ECI1: variants seen among roughly 807,000 people sequenced by gnomAD.
ECI1 encodes enoyl-CoA delta isomerase 1, mitochondrial.
Under a neutral mutation model 34.2 loss-of-function variants are expected in ECI1, and 34 were observed. The ratio of observed to expected loss-of-function variants is 1.00; its 90% CI spans 0.76 to 1.33. The LOEUF (loss-of-function observed/expected upper bound fraction) is 1.33, where lower values mean the gene tolerates loss of function less well. Among genes scored for constraint, ECI1 ranks in the 40% most tolerant of loss-of-function variants. The pLI is 0.00. For synonymous variants in ECI1, 211 were observed against 193.0 expected, an observed-to-expected ratio of 1.09 and a Z score of -0.77; for missense variants, 456 against 422.2, an observed-to-expected ratio of 1.08 and a Z score of -0.70.
chr16:2,243,976 C>T (rs1012810539), intron 4 of ECI1, among the ~76,000 whole-genome samples: 1 of 152,198 alleles, frequency 6.6e-6, no homozygotes, highest in African/African-American at 2.4e-5. Flanking sequence ...CACCAGGCTC[C>T]GGCCCACACC....
At chr16:2,242,541 G>T in intron 6 of ECI1, 1 of 183,682 alleles carries the variant, frequency 5.4e-6, no homozygotes, top group South Asian at 1.2e-4. Context: ...CCTAACCACT[G>T]CTCTGGAACT....
At chr16:2,240,268 A>C (rs1321529315) in intron 6 of ECI1, 123 bp from the exon 7 acceptor site, 8 of 1,089,260 alleles carry the variant, frequency 7.3e-6, no homozygotes, top group African/African-American at 3.2e-5. Flanking sequence ...CTGGAGTGCA[A>C]TGGTGGGATC....
Position 2,243,240 on chromosome 16 carries a change from C to T in ECI1, c.564-16G>A. 1 of 1,612,858 alleles carries T rather than the reference C, an allele frequency of 6.2e-7. No homozygotes were observed. The highest frequency in any genetic ancestry group is 8.5e-7 in the Non-Finnish European group (1 of 1,180,004). ...GTCTTTCAACCTGGAAATGCAGACA[C>T]CCACTCACCACATGGCCCCAGGCGG... On this transcript the variant is annotated splice_polypyrimidine_tract_variant and intron_variant, in intron 5 of 6. Coordinates refer to ENST00000301729, the MANE Select transcript of ECI1 (RefSeq NM_001919.4).
chr16:2,243,344 G>T lies in ECI1; in HGVS notation c.537C>A (p.Thr179=). The T allele has an allele frequency of 1.2e-6, 2 of 1,613,748 alleles. No individual in the cohort carries two copies. The highest frequency in any genetic ancestry group is 1.7e-6 in the Non-Finnish European group (2 of 1,180,028). The change falls in exon 5 of 7, where the codon ACC becomes ACA. Residue 179 remains threonine, a synonymous_variant. Transcript: ENST00000301729. ...AGAAAGGGGCGATGATGCCCAGCTG[G>T]GTCTCATTGAGTCCTATGCAGTACC... ...NPRYCIGLNE[T]QLGIIAPFWL... is the part of the protein sequence containing the mutation.
intron 3 of ECI1, among the ~76,000 whole-genome samples, chr16:2,246,221 A>G (rs2093539987): frequency 6.6e-6 from 1 of 152,246 alleles, no homozygotes; most frequent in Admixed American, 6.5e-5. Flanking sequence ...GCCAGCACTC[A>G]GGCAACATTT....
At position 2,251,547 on chromosome 16, in the gene ECI1, A is replaced by G. The variant is rs2141515690; in HGVS notation, c.20T>C (p.Val7Ala). Residue 7 changes from valine (V) to alanine (A), a missense_variant, in exon 1 of 7, where the codon GTG (valine) becomes GCG (alanine). Physicochemically the swap from Val to Ala is moderately conservative, Grantham distance 64. Coordinates refer to ENST00000301729, the MANE Select transcript of ECI1 (RefSeq NM_001919.4). MALVAS[V>A]RVPARVLLRA... is the part of the protein sequence containing the mutation. ...GAGCAGAACGCGCGCCGGGACTCGCACAGAAGCCACCAGCGCCATCTTGAC... is the reference window on the plus strand; with the variant it reads ...GAGCAGAACGCGCGCCGGGACTCGCGCAGAAGCCACCAGCGCCATCTTGAC... The G allele has an allele frequency of 6.4e-7, 1 of 1,560,202 alleles. No homozygotes were observed. Among genetic ancestry groups the G allele is most frequent in the Non-Finnish European group, 8.7e-7 (1 of 1,153,152 alleles).
In ECI1 at chr16:2,251,348, T is replaced by C; in HGVS notation, c.134A>G (p.Gln45Arg). ...GGDGARRFGS[Q>R]RVLVEPDAGA... is the part of the protein sequence containing the mutation. ...CGCGTCCGGCTCCACCAGCACCCGCTGGCTCCCGAAGCGCCGCGCGCCGTC... is the reference window on the plus strand; with the variant it reads ...CGCGTCCGGCTCCACCAGCACCCGCCGGCTCCCGAAGCGCCGCGCGCCGTC... Residue 45 changes from glutamine to arginine, a missense_variant, in exon 2 of 7, where the codon CAG becomes CGG. Transcript: ENST00000301729. The C allele has an allele frequency of 8.0e-7, 1 of 1,250,920 alleles. No individual in the cohort carries two copies. The highest frequency in any genetic ancestry group is 1.0e-6 in the Non-Finnish European group (1 of 995,856). 77.5% of individuals were successfully genotyped at this position (1,250,920 alleles called of 1,614,324 possible).
At chr16:2,243,552 G>C (rs1454965781) in intron 4 of ECI1, 113 bp from the exon 5 acceptor site, 26 of 1,308,204 alleles carry the variant, frequency 2.0e-5, no homozygotes, top group Non-Finnish European at 2.8e-5. Context: ...GACCCCCGCA[G>C]GGTTCAACAC....
At chr16:2,246,097 C>T (rs920232199) in intron 3 of ECI1, among the ~76,000 whole-genome samples, 2 of 152,220 alleles carry the variant, frequency 1.3e-5, no homozygotes, top group African/African-American at 4.8e-5. Context: ...CCCCTCACCT[C>T]AGCCAATGCC....
In ECI1 at chr16:2,251,507, T is replaced by C; in HGVS notation, c.52+8A>G. 1.9e-6 allele frequency: 3 copies of C among 1,558,056 alleles called. No individual in the cohort carries two copies. The highest frequency in any genetic ancestry group is 2.6e-6 in the Non-Finnish European group (3 of 1,153,316). On this transcript the variant is annotated splice_region_variant and intron_variant, in intron 1 of 6. Transcript: ENST00000301729. The stretch of plus-strand genomic sequence containing the variant: ...CGGCCCGATCCCTGCCCACCCCGGG[T>C]TTCGCACCCGCGCGGAGCAGAACGC...
Position 2,239,621 on chromosome 16 carries a change from C to G in ECI1, c.*358G>C, listed in dbSNP as rs2093523045. The G allele has an allele frequency of 1.4e-5, 5 of 363,438 alleles. No individual in the cohort carries two copies. The highest frequency in any genetic ancestry group is 8.7e-5 in the South Asian group (4 of 45,844). The allele number at this position is 363,438 out of a possible 1,614,324, so 22.5% of individuals were successfully genotyped here. On this transcript the variant is annotated 3_prime_UTR_variant, in exon 7 of 7. Coordinates refer to ENST00000301729, the MANE Select transcript of ECI1 (RefSeq NM_001919.4). ...GGGCCAAGACCACCTGGCCTTACAC[C>G]TAAGAGCAGGCAGTCCAAAGGCCAG...
intron 3 of ECI1, among the ~76,000 whole-genome samples, chr16:2,245,478 C>A (rs1225140477): frequency 6.6e-6 from 1 of 152,228 alleles, no homozygotes; most frequent in African/African-American, 2.4e-5. Flanking sequence ...GGGTGGGCAA[C>A]GCAGCTCCGC....
intron 2 of ECI1, among the ~76,000 whole-genome samples, chr16:2,249,806 AG>A (rs2093548595): frequency 7.6e-6 from 1 of 131,522 alleles, no homozygotes; most frequent in South Asian, 2.6e-4. Context: ...TGAACCCGGG[AG>A]GCGGAGCTTG....
chr16:2,249,511 A>T (rs549404729), intron 2 of ECI1, among the ~76,000 whole-genome samples: 1 of 152,226 alleles, frequency 6.6e-6, no homozygotes, highest in South Asian at 2.1e-4. Context: ...TACCTCCGGT[A>T]AAAAAGGAAA....
intron 4 of ECI1, 162 bp downstream of exon 4, chr16:2,244,244 A>G (rs139528262): frequency 2.4e-6 from 2 of 849,258 alleles, no homozygotes; most frequent in African/African-American, 3.3e-5. Context: ...CTTTCTCAAC[A>G]CGCCCCGTGG....
At chr16:2,243,008 C>G in intron 6 of ECI1, 38 bp downstream of exon 6, 1 of 1,547,594 alleles carries the variant, frequency 6.5e-7, no homozygotes, top group Non-Finnish European at 8.8e-7. Context: ...TCTGGTCTCC[C>G]CAGCATCATC....
intron 3 of ECI1, among the ~76,000 whole-genome samples, chr16:2,245,543 G>T (rs1156992002): frequency 6.6e-6 from 1 of 152,182 alleles, no homozygotes; most frequent in Admixed American, 6.5e-5. Context: ...CCGGTCCTTT[G>T]TTTCTACAAA....
Position 2,240,164 on chromosome 16 carries a change from GCCACTGAAATC to G in ECI1, c.743-30_743-20del. 1 of 1,612,256 alleles carries G rather than the reference GCCACTGAAATC, an allele frequency of 6.2e-7. No homozygotes were observed. Among genetic ancestry groups the G allele is most frequent in the South Asian group, 1.1e-5 (1 of 91,042 alleles). ...GCATGGTCTAAAGAGAATGGGACGTGCCACTGAAATCCCACTTTCAGGGGCAGTGGGGTGAT... is the reference window on the plus strand; with the variant it reads ...GCATGGTCTAAAGAGAATGGGACGTGCCACTTTCAGGGGCAGTGGGGTGAT... On this transcript the variant is annotated intron_variant, in intron 6 of 6. Transcript: ENST00000301729.
intron 4 of ECI1, 157 bp downstream of exon 4, chr16:2,244,249 C>G (rs1479497645): frequency 5.6e-6 from 5 of 884,978 alleles, no homozygotes; most frequent in Non-Finnish European, 8.9e-6. Context: ...TCAACACGCC[C>G]CGTGGTCTGC....
Sources: allele counts gnomAD v4.1 joint callset (sites outside exome capture counted in the v4.1 genomes callset), GRCh38; gene constraint gnomAD v4.1.1; transcripts MANE v1.5; gene names NCBI Gene and HGNC (gene_info 2026-07-23, HGNC 2026-07-21).